ADGB: variants seen among roughly 807,000 people sequenced by gnomAD.
ADGB encodes the protein androglobin, also known as calpain-7-like protein.
ADGB carries 172 observed loss-of-function variants against 210.5 expected under a neutral mutation model. The ratio of observed to expected loss-of-function variants is 0.82; its 90% CI spans 0.72 to 0.93. The LOEUF (loss-of-function observed/expected upper bound fraction) is 0.93, where lower values mean the gene tolerates loss of function less well. ADGB is among the 40% of genes least tolerant of loss of function. The pLI is 0.00. For missense variants in ADGB, 2,025 were observed against 1,964.8 expected (o/e 1.03, Z -0.58); for synonymous variants, 658 against 662.7 (o/e 0.99, Z 0.11).
chr6:146,641,585 C>A (rs2114866302), intron 2 of ADGB, among the ~76,000 whole-genome samples: 1 of 151,930 alleles, frequency 6.6e-6, no homozygotes, highest in African/African-American at 2.4e-5. Context: ...GAGTAGAGAG[C>A]CCATAAGTAA....
chr6:146,749,554 A>T (rs1242606036), intron 26 of ADGB, among the ~76,000 whole-genome samples: 1 of 152,164 alleles, frequency 6.6e-6, no homozygotes, highest in Non-Finnish European at 1.5e-5. Context: ...CCTGAGAGGT[A>T]AAAGAAGATG....
intron 17 of ADGB, among the ~76,000 whole-genome samples, chr6:146,722,169 C>T (rs1467533143): frequency 6.6e-6 from 1 of 152,030 alleles, no homozygotes; most frequent in African/African-American, 2.4e-5. Context: ...TCCTCTATCC[C>T]ACCTTGGTCC....
Position 146,741,221 on chromosome 6 carries a change from G to T in ADGB, c.3127G>T (p.Val1043Leu), listed in dbSNP as rs767469243. ...TGTTAATAATGACACAATGGAGCAAGTGCCAAAGGTGTTCCAAAAAGTGGT... is the reference window on the plus strand; with the variant it reads ...TGTTAATAATGACACAATGGAGCAATTGCCAAAGGTGTTCCAAAAAGTGGT... Reference protein sequence around the residue: ...HIVNNDTMEQVPKVFQKVVPY... With the variant: ...HIVNNDTMEQLPKVFQKVVPY... Residue 1043 changes from valine to leucine, a missense_variant, in exon 25 of 36, where the codon GTG becomes TTG. Val to Leu is a conservative substitution (Grantham distance 32). Coordinates refer to ENST00000397944, the MANE Select transcript of ADGB (RefSeq NM_024694.4). The T allele has an allele frequency of 6.4e-7, 1 of 1,551,088 alleles. No individual in the cohort carries two copies. The highest frequency in any genetic ancestry group is 2.4e-5 in the East Asian group (1 of 40,850).
intron 35 of ADGB, among the ~76,000 whole-genome samples, chr6:146,806,215 A>G (rs551275151): frequency 1.3e-5 from 2 of 152,334 alleles, no homozygotes; most frequent in South Asian, 4.1e-4. Flanking sequence ...GACAGCTTTG[A>G]GTTCACTCCC....
intron 35 of ADGB, chr6:146,803,830 C>A (rs1291173526): frequency 9.1e-4 from 264 of 290,172 alleles, no homozygotes; most frequent in East Asian, 1.7e-3. Context: ...CACTCAGGGC[C>A]ATTCAAACGC....
At chr6:146,628,919 T>C (rs1009441280) in intron 1 of ADGB, among the ~76,000 whole-genome samples, 2 of 152,068 alleles carry the variant, frequency 1.3e-5, no homozygotes, top group East Asian at 3.9e-4. Flanking sequence ...TACGGGGAAA[T>C]AAATGTTACC....
chr6:146,790,266 A>C (rs1777935444), intron 33 of ADGB, among the ~76,000 whole-genome samples: 1 of 152,196 alleles, frequency 6.6e-6, no homozygotes, highest in Non-Finnish European at 1.5e-5. Context: ...GCTATGCAAT[A>C]GAACACCAGA....
intron 8 of ADGB, among the ~76,000 whole-genome samples, chr6:146,675,870 T>C (rs535940026): frequency 2.6e-5 from 4 of 152,222 alleles, no homozygotes; most frequent in East Asian, 3.9e-4. Context: ...AGAAAATATT[T>C]TGGAGTCAGA....
chr6:146,652,799 C>G (rs1180610604), intron 3 of ADGB, among the ~76,000 whole-genome samples: 1 of 152,128 alleles, frequency 6.6e-6, no homozygotes. Context: ...GCTATCATGG[C>G]TAATATTAGT....
intron 9 of ADGB, among the ~76,000 whole-genome samples, chr6:146,682,540 C>A (rs570598379): frequency 1.1e-4 from 16 of 152,192 alleles, no homozygotes; most frequent in African/African-American, 3.6e-4. Context: ...TTATTATATG[C>A]AGCTGTGCTA....
chr6:146,813,448 C>T (rs1778332508), intron 35 of ADGB, among the ~76,000 whole-genome samples: 1 of 130,974 alleles, frequency 7.6e-6, no homozygotes, highest in Admixed American at 8.4e-5. Context: ...ACTACAGATG[C>T]AGAAATTTTT....
At chr6:146,702,261 C>T (rs1776501530) in intron 13 of ADGB, among the ~76,000 whole-genome samples, 1 of 151,896 alleles carries the variant, frequency 6.6e-6, no homozygotes, top group African/African-American at 2.4e-5. Flanking sequence ...AATACCCACA[C>T]CTGTCAACAC....
intron 28 of ADGB, among the ~76,000 whole-genome samples, chr6:146,766,100 C>G (rs528154231): frequency 4.1e-4 from 63 of 152,118 alleles, no homozygotes; most frequent in African/African-American, 1.2e-3. Context: ...AGCTCTGTGC[C>G]AGCAAATTTA....
intron 1 of ADGB, among the ~76,000 whole-genome samples, chr6:146,625,106 A>G (rs1562258183): frequency 6.6e-6 from 1 of 151,984 alleles, no homozygotes; most frequent in Non-Finnish European, 1.5e-5. Flanking sequence ...TATATTCTTT[A>G]TCTTCTATAG....
chr6:146,671,936 C>T (rs560083877), intron 7 of ADGB, among the ~76,000 whole-genome samples: 1 of 152,124 alleles, frequency 6.6e-6, no homozygotes, highest in Non-Finnish European at 1.5e-5. Context: ...CTTTCCCTGT[C>T]CTGGCTGTTA....
intron 30 of ADGB, 31 bp from the exon 31 acceptor site, chr6:146,784,587 A>G: frequency 2.7e-6 from 4 of 1,470,492 alleles, no homozygotes; most frequent in Non-Finnish European, 2.7e-6. Context: ...GAAGGAAAGC[A>G]TGCAAAACCC....
intron 13 of ADGB, among the ~76,000 whole-genome samples, chr6:146,710,651 G>T (rs944499017): frequency 3.3e-5 from 5 of 150,070 alleles, no homozygotes; most frequent in Non-Finnish European, 7.4e-5. Context: ...GAGATTAATA[G>T]GTGATTGAGG....
At chr6:146,791,588 C>T (rs1364597628) in intron 33 of ADGB, among the ~76,000 whole-genome samples, 4 of 152,158 alleles carry the variant, frequency 2.6e-5, no homozygotes, top group Admixed American at 1.3e-4. Context: ...AGGAATCCTC[C>T]AGCCTCAGCC....
chr6:146,808,002 T>G (rs917657978), intron 35 of ADGB, among the ~76,000 whole-genome samples: 2 of 146,574 alleles, frequency 1.4e-5, no homozygotes, highest in South Asian at 4.4e-4. Context: ...GTTTTTTTTT[T>G]TTTTTTTTTT....
Sources: gnomAD v4.1 joint callset for allele counts (sites outside exome capture counted in the v4.1 genomes callset) on GRCh38, gnomAD v4.1.1 for gene constraint, MANE v1.5 for transcripts, NCBI Gene and HGNC (gene_info 2026-07-23, HGNC 2026-07-21) for gene names.